The following FGL1 variants were observed in gnomAD, a reference collection of about 807,000 sequenced individuals.
The protein encoded by FGL1 is fibrinogen-like protein 1.
FGL1 carries 59 observed loss-of-function variants against 43.7 expected under a neutral mutation model. The observed-to-expected ratio is 1.35, with a 90% CI of 1.10 to 1.68. FGL1 has a LOEUF of 1.68. FGL1 is among the 40% of genes most tolerant of loss of function. The probability of loss-of-function intolerance (pLI) is 0.00; values close to 1 mark genes in which losing one functional copy is unlikely to be tolerated. For missense variants in FGL1, 596 were observed against 373.0 expected, an observed-to-expected ratio of 1.60 and a Z score of -4.92; for synonymous variants, 192 against 126.5, an observed-to-expected ratio of 1.52 and a Z score of -3.48.
intron 7 of FGL1, among the ~76,000 whole-genome samples, chr8:17,867,661 A>C (rs2053290181): frequency 3.3e-5 from 5 of 152,220 alleles, no homozygotes; most frequent in Non-Finnish European, 7.3e-5. Flanking sequence ...TCAGACTTCT[A>C]CTAAGTGTCT....
chr8:17,888,514 T>G (rs2053661260), intron 1 of FGL1, among the ~76,000 whole-genome samples: 1 of 152,182 alleles, frequency 6.6e-6, no homozygotes, highest in African/African-American at 2.4e-5. Flanking sequence ...TAAGAAAATT[T>G]CAAGTTGAAA....
At chr8:17,892,506 C>A (rs1269256376) in intron 1 of FGL1, among the ~76,000 whole-genome samples, 1 of 152,046 alleles carries the variant, frequency 6.6e-6, no homozygotes, top group Admixed American at 6.6e-5. Flanking sequence ...ATAAAAGAGA[C>A]TTTCACTAAG....
At chr8:17,875,138 G>C (rs1341231904) in intron 3 of FGL1, among the ~76,000 whole-genome samples, 1 of 152,050 alleles carries the variant, frequency 6.6e-6, no homozygotes. Flanking sequence ...AATCATTCTG[G>C]ACATCTGAAA....
At chr8:17,887,542 A>G (rs1001893574) in intron 1 of FGL1, among the ~76,000 whole-genome samples, 1 of 152,146 alleles carries the variant, frequency 6.6e-6, no homozygotes, top group East Asian at 1.9e-4. Flanking sequence ...CTTTCACCCA[A>G]CACTGTGAAC....
intron 2 of FGL1, among the ~76,000 whole-genome samples, chr8:17,883,896 C>G (rs577036796): frequency 1.3e-5 from 2 of 148,420 alleles, no homozygotes; most frequent in African/African-American, 5.0e-5. Context: ...TTTTCTTTTT[C>G]TTTTCTTTTG....
At chr8:17,879,629 CT>C (rs1393698785) in intron 3 of FGL1, among the ~76,000 whole-genome samples, 1 of 152,116 alleles carries the variant, frequency 6.6e-6, no homozygotes, top group Non-Finnish European at 1.5e-5. Flanking sequence ...CCTGCTTCTG[CT>C]TTGCCGTCTG....
At position 17,874,404 on chromosome 8, in the gene FGL1, G is replaced by A; in HGVS notation, c.362C>T (p.Thr121Ile). ...GCCATCAGATCGTCTCTGAATTACA[G>A]TCCATCCTCCTCCATCGGACATGTC... ...YCDMSDGGGW[T>I]VIQRRSDGSE... is the part of the protein sequence containing the mutation. The change falls in exon 4 of 8, where the codon ACT becomes ATT. Residue 121 changes from threonine to isoleucine, a missense_variant. Transcript: ENST00000427924. The A allele has an allele frequency of 6.2e-7, 1 of 1,614,052 alleles. No individual in the cohort carries two copies. Among genetic ancestry groups the A allele is most frequent in the South Asian group, 1.1e-5 (1 of 91,066 alleles).
At chr8:17,893,095 G>A (rs1031483955) in intron 1 of FGL1, among the ~76,000 whole-genome samples, 1 of 152,156 alleles carries the variant, frequency 6.6e-6, no homozygotes, top group Non-Finnish European at 1.5e-5. Context: ...CAGCTACTGT[G>A]TTGGTTGAGG....
At chr8:17,878,051 A>G (rs1447584207) in intron 3 of FGL1, among the ~76,000 whole-genome samples, 2 of 152,052 alleles carry the variant, frequency 1.3e-5, no homozygotes, top group African/African-American at 4.8e-5. Flanking sequence ...TGCAGCCCCA[A>G]ACTTCTGCAA....
chr8:17,885,813 A>G (rs1353295947), intron 1 of FGL1: 3 of 451,660 alleles, frequency 6.6e-6, no homozygotes, highest in South Asian at 6.4e-5. Context: ...TCTTTTCGCT[A>G]TCCTAATGTG....
At chr8:17,892,558 A>G (rs1016480864) in intron 1 of FGL1, among the ~76,000 whole-genome samples, 3 of 152,202 alleles carry the variant, frequency 2.0e-5, no homozygotes, top group Non-Finnish European at 4.4e-5. Flanking sequence ...ACGACATGAC[A>G]TAAATACCAT....
At chr8:17,875,845 C>T (rs985746861) in intron 3 of FGL1, among the ~76,000 whole-genome samples, 3 of 152,020 alleles carry the variant, frequency 2.0e-5, no homozygotes, top group African/African-American at 2.4e-5. Context: ...GAGGTCAGGC[C>T]ATCCGCCCGC....
At chr8:17,868,089 G>C (rs960081822) in intron 7 of FGL1, among the ~76,000 whole-genome samples, 18 of 152,204 alleles carry the variant, frequency 1.2e-4, no homozygotes, top group Non-Finnish European at 2.1e-4. Context: ...TCTGTATTGG[G>C]AGAGGCTTAG....
chr8:17,885,028 T>A (rs1405410755), intron 2 of FGL1, among the ~76,000 whole-genome samples: 1 of 151,094 alleles, frequency 6.6e-6, no homozygotes, highest in Non-Finnish European at 1.5e-5. Context: ...ACTTTTTATT[T>A]AAAAAAATGT....
At position 17,885,658 on chromosome 8, in the gene FGL1, C is replaced by G. The variant is rs914775754; in HGVS notation, c.-17-87G>C. 2.8e-6 allele frequency: 3 copies of G among 1,069,958 alleles called. No individual in the cohort carries two copies. The Admixed American group carries it at 6.5e-5, about 23-fold the overall frequency. The allele number at this position is 1,069,958 out of a possible 1,614,324, so 66.3% of individuals were successfully genotyped here. A position where few individuals can be genotyped will look rare whatever the true frequency, so the allele number is the denominator to read the frequency against. On this transcript the variant is annotated intron_variant, in intron 1 of 7. Coordinates refer to ENST00000427924, the MANE Select transcript of FGL1 (RefSeq NM_004467.4). ...TCAGACTTCAGTAGCTCCAGGAAGT[C>G]GGATGCAGCCGCAGGCCATCCCTAA...
chr8:17,872,104 A>C (rs2131702617), intron 5 of FGL1, among the ~76,000 whole-genome samples: 1 of 152,144 alleles, frequency 6.6e-6, no homozygotes, highest in East Asian at 1.9e-4. Context: ...GCGTTATGTA[A>C]ATTTAGAGAG....
intron 5 of FGL1, among the ~76,000 whole-genome samples, chr8:17,872,100 T>C (rs886761921): frequency 6.6e-6 from 1 of 152,084 alleles, no homozygotes; most frequent in Non-Finnish European, 1.5e-5. Flanking sequence ...GGAAGCGTTA[T>C]GTAAATTTAG....
intron 3 of FGL1, among the ~76,000 whole-genome samples, chr8:17,874,917 G>A (rs966118608): frequency 1.8e-5 from 1 of 57,034 alleles, no homozygotes. Context: ...TGGGATTACA[G>A]GTGTGAGCTT....
At chr8:17,890,857 C>T (rs370731857) in intron 1 of FGL1, among the ~76,000 whole-genome samples, 1 of 152,040 alleles carries the variant, frequency 6.6e-6, no homozygotes. Context: ...ATCACGAAAA[C>T]AGCAGCATGG....
Sources: gnomAD v4.1 joint callset for allele counts (sites outside exome capture counted in the v4.1 genomes callset) on GRCh38, gnomAD v4.1.1 for gene constraint, MANE v1.5 for transcripts, NCBI Gene and HGNC (gene_info 2026-07-23, HGNC 2026-07-21) for gene names.